Variants in ABCF1 observed in about 807,000 individuals in gnomAD.
ABCF1 encodes ATP-binding cassette sub-family F member 1.
ABCF1 carries 73 observed loss-of-function variants against 126.3 expected under a neutral mutation model. The ratio of observed to expected loss-of-function variants is 0.58; its 90% CI spans 0.48 to 0.70. The LOEUF is 0.70. Ranked by LOEUF, ABCF1 falls within the 30% of genes least tolerant of loss-of-function variation. The pLI is 0.00. For missense variants in ABCF1, 786 were observed against 1,057.5 expected (o/e 0.74, Z 3.56); for synonymous variants, 345 against 396.4 (o/e 0.87, Z 1.54).
chr6:30,579,605 G>A (rs1300798729), intron 6 of ABCF1, among the ~76,000 whole-genome samples: 3 of 151,786 alleles, frequency 2.0e-5, no homozygotes, highest in Admixed American at 6.6e-5. Context: ...TTACAGGCAC[G>A]TGCCACCACG....
At position 30,580,434 on chromosome 6, in the gene ABCF1, A is replaced by T. The variant is rs961589649; in HGVS notation, c.593A>T (p.Asn198Ile). ...KPQNKFAALD[N>I]EEEDKEEEII... ...CAAAATAAATTCGCTGCTCTGGACA[A>T]TGAAGAGGAGGATAAAGAAGAAGAA... Residue 198 changes from asparagine to isoleucine, a missense_variant, in exon 8 of 25, where the codon AAT becomes ATT. Physicochemically the swap from Asn to Ile is moderately radical, Grantham distance 149. Transcript: ENST00000326195. 6.5e-7 allele frequency: 1 copy of T among 1,542,108 alleles called. No homozygotes were observed. Among genetic ancestry groups the T allele is most frequent in the East Asian group, 2.5e-5 (1 of 40,628 alleles).
rs759596698 is a variant in ABCF1 at position 30,571,553 on chromosome 6, C to T, written c.66C>T (p.Ser22=). 2.5e-6 allele frequency: 4 copies of T among 1,609,732 alleles called. No homozygotes were observed. Among genetic ancestry groups the T allele is most frequent in the Non-Finnish European group, 3.4e-6 (4 of 1,179,378 alleles). ...PEWIGDGEST[S]PSDKVVKKGK... ...GGATCGGGGACGGAGAGAGCACGAG[C>T]CCATCAGGTGAGGCTGGTAGGCAAG... is the stretch of plus-strand genomic sequence containing the variant. Residue 22 remains serine, a synonymous_variant, in exon 1 of 25, where the codon AGC becomes AGT. Transcript: ENST00000326195.
rs752133615 is a variant in ABCF1, at chr6:30,584,023, G to T, written c.1102+133G>T. Reference sequence around the variant, plus strand: ...GAGGGAGACTGGAGACCGGGAAAGGGATGCTAAGGAAAGGAGGGGAGGGTC... The same window carrying T: ...GAGGGAGACTGGAGACCGGGAAAGGTATGCTAAGGAAAGGAGGGGAGGGTC... On this transcript the variant is annotated intron_variant, in intron 12 of 24. Coordinates refer to ENST00000326195, the MANE Select transcript of ABCF1 (RefSeq NM_001025091.2). This position sits in a 1 kb window ranked among gnomAD's most constrained non-coding sequence, Gnocchi z 4.6. 8.7e-5 allele frequency: 121 copies of T among 1,386,530 alleles called. No homozygotes were observed. Among genetic ancestry groups the T allele is most frequent in the Non-Finnish European group, 1.1e-4 (112 of 1,005,712 alleles). 85.9% of individuals were successfully genotyped at this position (1,386,530 alleles called of 1,614,324 possible).
In ABCF1 at chr6:30,589,823, C is replaced by T. The variant is rs749051770; in HGVS notation, c.2082C>T (p.Asn694=). Residue 694 remains asparagine, a synonymous_variant, in exon 22 of 25, where the codon AAC becomes AAT. Coordinates refer to ENST00000326195, the MANE Select transcript of ABCF1 (RefSeq NM_001025091.2). ...TCGGGCAGAAAATTGGCTTCTTCAA[C>T]CAGCAGTATGCAGAGCAGCTGCGCA... ...KNHRLKIGFF[N]QQYAEQLRME... 4.3e-6 allele frequency: 7 copies of T among 1,614,200 alleles called. No homozygotes were observed. Among genetic ancestry groups the T allele is most frequent in the Non-Finnish European group, 5.1e-6 (6 of 1,180,046 alleles).
Position 30,584,389 on chromosome 6 carries a change from G to C in ABCF1, c.1243-29G>C. On this transcript the variant is annotated intron_variant, in intron 13 of 24. Transcript: ENST00000326195. The surrounding 1 kb of genome is among the most constrained non-coding windows in gnomAD (Gnocchi z 4.6). ...GACTTGGGGGTTCCTGGGACCCTCA[G>C]ACGTGTGTCCTCTTCTCCCTCCTCC... 6.2e-7 allele frequency: 1 copy of C among 1,613,104 alleles called. No individual in the cohort carries two copies. The highest frequency in any genetic ancestry group is 1.1e-5 in the South Asian group (1 of 91,086).
At position 30,584,755 on chromosome 6, in the gene ABCF1, A is replaced by G; in HGVS notation, c.1391+189A>G. On this transcript the variant is annotated intron_variant, in intron 14 of 24. Coordinates refer to ENST00000326195, the MANE Select transcript of ABCF1 (RefSeq NM_001025091.2). This position sits in a 1 kb window ranked among gnomAD's most constrained non-coding sequence, Gnocchi z 4.6. ...CCTACTTGGTGGTGAGTTCTCATCAACATACCCTGCAGCTGGGTGCAATGG... is the reference window on the plus strand; with the variant it reads ...CCTACTTGGTGGTGAGTTCTCATCAGCATACCCTGCAGCTGGGTGCAATGG... Among the ~76,000 whole-genome samples the G allele has an allele frequency of 6.6e-6, 1 of 152,146 alleles. No homozygotes were observed. Among genetic ancestry groups the G allele is most frequent in the East Asian group, 1.9e-4 (1 of 5,200 alleles).
At position 30,582,453 on chromosome 6, in the gene ABCF1, A is replaced by T. The variant is rs1300183187; in HGVS notation, c.738A>T (p.Ala246=). 1.9e-6 allele frequency: 3 copies of T among 1,613,028 alleles called. No individual in the cohort carries two copies. Among genetic ancestry groups the T allele is most frequent in the Non-Finnish European group, 1.7e-6 (2 of 1,179,998 alleles). Residue 246 remains alanine (A), a synonymous_variant, in exon 9 of 25, where the codon GCA becomes GCT. Coordinates refer to ENST00000326195, the MANE Select transcript of ABCF1 (RefSeq NM_001025091.2). ...AGGAGGAAGGAGGAGAGTCTAAGGC[A>T]GATGATCCCTATGCTCATCTTAGCA... The part of the protein sequence containing the change: ...EEEEEGGESK[A]DDPYAHLSKK...
chr6:30,585,317 C>G lies in ABCF1; in HGVS notation c.1449C>G (p.Asp483Glu). ...TGGATGAGCCCACCAACCACCTGGA[C>G]CTCAACGCTGTCATCTGGCTTAATA... ...LMLDEPTNHL[D>E]LNAVIWLNNY... The change falls in exon 15 of 25, where the codon GAC (aspartate) becomes GAG (glutamate). Residue 483 changes from aspartate to glutamate, a missense_variant. Around this residue, in one of 4 missense-constraint regions of ABCF1, gnomAD observed 13 missense variants for 55.8 expected, o/e 0.23. Transcript: ENST00000326195. The G allele has an allele frequency of 1.2e-6, 2 of 1,613,646 alleles. No homozygotes were observed. Among genetic ancestry groups the G allele is most frequent in the Non-Finnish European group, 1.7e-6 (2 of 1,180,004 alleles).
In ABCF1 at chr6:30,589,933, T is replaced by C. The variant is rs1802352801; in HGVS notation, c.2192T>C (p.Leu731Pro). ...CGCAAGTGCCTGGGCCGCTTCGGCC[T>C]GGAGAGTCACGCCCACACCATCCAG... ...DARKCLGRFG[L>P]ESHAHTIQIC... The change falls in exon 22 of 25, where the codon CTG (leucine) becomes CCG (proline). Residue 731 changes from leucine (L) to proline (P), a missense_variant. Coordinates refer to ENST00000326195, the MANE Select transcript of ABCF1 (RefSeq NM_001025091.2). 6.2e-7 allele frequency: 1 copy of C among 1,613,882 alleles called. No individual in the cohort carries two copies. The highest frequency in any genetic ancestry group is 8.5e-7 in the Non-Finnish European group (1 of 1,180,046).
intron 24 of ABCF1, 27 bp from the exon 25 acceptor site, chr6:30,590,508 C>T: frequency 2.5e-6 from 4 of 1,599,924 alleles, no homozygotes; most frequent in Non-Finnish European, 3.4e-6. Flanking sequence ...TCTTCCTGCC[C>T]TCTGTTGTTG....
chr6:30,571,543 A>G lies in ABCF1; in HGVS notation c.56A>G (p.Glu19Gly), dbSNP rs1801236874. The G allele has an allele frequency of 6.2e-7, 1 of 1,610,548 alleles. No individual in the cohort carries two copies. Among genetic ancestry groups the G allele is most frequent in the Admixed American group, 1.7e-5 (1 of 59,894 alleles). Reference sequence around the variant, plus strand: ...GAGCCCGAGTGGATCGGGGACGGAGAGAGCACGAGCCCATCAGGTGAGGCT... The same window carrying G: ...GAGCCCGAGTGGATCGGGGACGGAGGGAGCACGAGCCCATCAGGTGAGGCT... ...PPEPEWIGDG[E>G]STSPSDKVVK... Residue 19 changes from glutamate (E) to glycine (G), a missense_variant, in exon 1 of 25, where the codon GAG becomes GGG. By Grantham distance (98) the Glu-to-Gly change is moderately conservative (BLOSUM62 -2). This residue lies in a region of ABCF1 where 322 missense variants were observed against 322.9 expected (regional missense o/e 1.00). Transcript: ENST00000326195.
chr6:30,579,465 T>C (rs1801690179), intron 6 of ABCF1, among the ~76,000 whole-genome samples: 1 of 149,394 alleles, frequency 6.7e-6, no homozygotes, highest in African/African-American at 2.5e-5. Flanking sequence ...ATTTTTTTTT[T>C]TTTTTTTTTT....
chr6:30,579,943 G>C lies in ABCF1; in HGVS notation c.502G>C (p.Glu168Gln). Residue 168 changes from glutamate (E) to glutamine (Q), a missense_variant, in exon 7 of 25, where the codon GAA becomes CAA. This residue lies in a region of ABCF1 where 322 missense variants were observed against 322.9 expected (regional missense o/e 1.00). Coordinates refer to ENST00000326195, the MANE Select transcript of ABCF1 (RefSeq NM_001025091.2). The part of the protein sequence containing the change: ...KNRINKAVSE[E>Q]QQPALKGKKG... ...GTGTCTCCTCCAGGCCGTATCTGAG[G>C]AACAGCAGCCTGCACTCAAGGGCAA... 6.2e-7 allele frequency: 1 copy of C among 1,612,926 alleles called. No individual in the cohort carries two copies. Among genetic ancestry groups the C allele is most frequent in the Non-Finnish European group, 8.5e-7 (1 of 1,179,970 alleles).
rs751989993 is a variant in ABCF1, at chr6:30,590,724, C to T, written c.*23C>T. ...TGAGCTTTCCTTCCCAGAAGTCTCC[C>T]GAGAGACATATTTGTGTGGCCTAGA... On this transcript the variant is annotated 3_prime_UTR_variant, in exon 25 of 25. Transcript: ENST00000326195. 17 of 1,588,756 alleles carry T rather than the reference C, an allele frequency of 1.1e-5. No homozygotes were observed. The highest frequency in any genetic ancestry group is 2.2e-5 in the East Asian group (1 of 44,690).
At chr6:30,572,457 TCAGA>T (rs1801302724) in intron 1 of ABCF1, among the ~76,000 whole-genome samples, 1 of 152,168 alleles carries the variant, frequency 6.6e-6, no homozygotes, top group African/African-American at 2.4e-5. Flanking sequence ...GAGCATCTAC[TCAGA>T]CAGGTAAGGG....
chr6:30,589,212 T>A (rs1326418578), intron 20 of ABCF1, among the ~76,000 whole-genome samples: 1 of 152,138 alleles, frequency 6.6e-6, no homozygotes, highest in Non-Finnish European at 1.5e-5. Context: ...TTGGCCAGCC[T>A]GGTCTCAAAC....
At position 30,589,727 on chromosome 6, in the gene ABCF1, T is replaced by A. The variant is rs774372898; in HGVS notation, c.2064+7T>A. The stretch of plus-strand genomic sequence containing the variant: ...GAGAAAGAACCACCGGCTGGTAAGT[T>A]GGCATTGGGATTTAGGGAATGATAA... On this transcript the variant is annotated splice_region_variant and intron_variant, in intron 21 of 24. Transcript: ENST00000326195. The A allele has an allele frequency of 2.5e-6, 4 of 1,614,068 alleles. No homozygotes were observed. The African/African-American group carries it at 5.3e-5, about 22-fold the overall frequency.
rs201177291 is a variant in ABCF1 at position 30,583,586 on chromosome 6, A to G, written c.916-22A>G. Reference sequence around the variant, plus strand: ...CATGTGATCATCCCTTCCCTCTGCCACCTCTTTCCTGATGGCTGCAGCTGG... The same window carrying G: ...CATGTGATCATCCCTTCCCTCTGCCGCCTCTTTCCTGATGGCTGCAGCTGG... On this transcript the variant is annotated intron_variant, in intron 10 of 24. Transcript: ENST00000326195. The surrounding 1 kb of genome is among the most constrained non-coding windows in gnomAD (Gnocchi z 4.1). The G allele has an allele frequency of 4.3e-6, 7 of 1,612,190 alleles. No individual in the cohort carries two copies. In the East Asian group the frequency reaches 8.9e-5, roughly 21 times the overall value.
At chr6:30,577,538 T>A in intron 2 of ABCF1, 83 bp downstream of exon 2, 70 of 1,253,586 alleles carry the variant, frequency 5.6e-5, no homozygotes, top group Non-Finnish European at 7.3e-5. Context: ...AGGTGGGAGG[T>A]CCAAGGGAGG....
Sources: gnomAD v4.1 joint callset for allele counts (sites outside exome capture counted in the v4.1 genomes callset) on GRCh38, gnomAD v4.1.1 for gene constraint, gnomAD v4.1.1 regional missense constraint, Gnocchi (gnomAD v3.1) non-coding constraint, MANE v1.5 for transcripts, NCBI Gene and HGNC (gene_info 2026-07-23, HGNC 2026-07-21) for gene names.